The following HTT variants were observed in gnomAD, a reference collection of about 807,000 sequenced individuals.
HTT encodes huntingtin, also known as huntington disease protein.
In HTT, 104 loss-of-function variants were observed where a neutral mutation model predicts 362.3. The observed-to-expected ratio is 0.29, with a 90% confidence interval of 0.24 to 0.34. The LOEUF is 0.34. HTT is among the 10% of genes least tolerant of loss of function. HTT has a pLI of 1.00. For synonymous variants in HTT, 1,577 were observed against 1,548.7 expected, an observed-to-expected ratio of 1.02 and a Z score of -0.43; for missense variants, 3,301 against 3,928.6, an observed-to-expected ratio of 0.84 and a Z score of 4.27.
chr4:3,235,990 C>G (rs1721511180), intron 63 of HTT, among the ~76,000 whole-genome samples, 159 bp from the exon 64 acceptor site: 1 of 152,204 alleles, frequency 6.6e-6, no homozygotes, highest in Non-Finnish European at 1.5e-5. Flanking sequence ...TCACTCATCC[C>G]ATGTGGCTGA....
chr4:3,109,296 G>C (rs1161142823), intron 6 of HTT, among the ~76,000 whole-genome samples: 2 of 151,418 alleles, frequency 1.3e-5, no homozygotes, highest in Non-Finnish European at 2.9e-5. Flanking sequence ...ACGCAATCTT[G>C]GCTCACCACA....
intron 2 of HTT, among the ~76,000 whole-genome samples, chr4:3,094,396 C>T (rs544854498): frequency 5.3e-5 from 8 of 152,294 alleles, no homozygotes; most frequent in African/African-American, 1.2e-4. Flanking sequence ...AAACTGCCAC[C>T]GTCATCATGG....
intron 64 of HTT, 119 bp from the exon 65 acceptor site, chr4:3,238,328 C>T (rs1721640010): frequency 3.0e-6 from 2 of 672,256 alleles, no homozygotes; most frequent in Non-Finnish European, 4.7e-6. Flanking sequence ...GCCGAGGGTC[C>T]CTCCCAGCCC....
rs149094108 is a variant in HTT at position 3,239,530 on chromosome 4, C to T, written c.9216-316C>T. 2.0e-3 allele frequency among the ~76,000 whole-genome samples: 301 copies of T among 152,356 alleles called. 1 individual carries two copies. Among genetic ancestry groups the T allele is most frequent in the South Asian group, 8.7e-3 (42 of 4,826 alleles). On this transcript the variant is annotated intron_variant, in intron 66 of 66. Coordinates refer to ENST00000355072, the MANE Select transcript of HTT (RefSeq NM_001388492.1). The stretch of plus-strand genomic sequence containing the variant: ...GCCCGGCGTGCCTGGCACGGCTCTG[C>T]CCTCACTGCATTGGAGCAGGGCTAG...
intron 36 of HTT, among the ~76,000 whole-genome samples, chr4:3,182,089 A>T (rs1004899654): frequency 2.0e-5 from 3 of 152,224 alleles, no homozygotes; most frequent in Admixed American, 2.0e-4. Flanking sequence ...CAAATTCTAT[A>T]CAAATAACAA....
chr4:3,097,401 G>A (rs539730229), intron 2 of HTT, among the ~76,000 whole-genome samples: 1 of 152,184 alleles, frequency 6.6e-6, no homozygotes, highest in South Asian at 2.1e-4. Flanking sequence ...GGAGGCCGAG[G>A]TGGACAGATC....
intron 31 of HTT, among the ~76,000 whole-genome samples, chr4:3,173,737 C>T (rs1372133552): frequency 6.6e-5 from 10 of 150,992 alleles, no homozygotes; most frequent in Non-Finnish European, 1.5e-4. Context: ...GGTGCAATCT[C>T]AGCTCACTGC....
chr4:3,111,817 C>A (rs1228542566), intron 6 of HTT, among the ~76,000 whole-genome samples: 2 of 152,090 alleles, frequency 1.3e-5, no homozygotes, highest in Non-Finnish European at 2.9e-5. Context: ...GGGAATTTGC[C>A]CAAGGAGCCA....
chr4:3,214,142 C>T lies in HTT; in HGVS notation c.6952+7C>T. On this transcript the variant is annotated splice_region_variant and intron_variant, in intron 50 of 66. Coordinates refer to ENST00000355072, the MANE Select transcript of HTT (RefSeq NM_001388492.1). ...CACTTCATCCTGGAGGCCGGTGAGT[C>T]CCCGTCCATGAACGGTGGGTTCCTA... The T allele has an allele frequency of 2.0e-6, 3 of 1,488,994 alleles. No individual in the cohort carries two copies. The South Asian group carries it at 4.0e-5, about 20-fold the overall frequency. 92.2% of individuals were successfully genotyped at this position (1,488,994 alleles called of 1,614,324 possible).
chr4:3,098,294 C>CT (rs1404713831), intron 2 of HTT, among the ~76,000 whole-genome samples: 3 of 152,290 alleles, frequency 2.0e-5, no homozygotes, highest in East Asian at 3.9e-4. Flanking sequence ...CTGATGTGGA[C>CT]TTTTGGTGCC....
Position 3,228,859 on chromosome 4 carries a change from C to T in HTT, c.7980-21C>T, listed in dbSNP as rs1484746595. On this transcript the variant is annotated intron_variant, in intron 58 of 66. Transcript: ENST00000355072. The surrounding 1 kb of genome is among the most constrained non-coding windows in gnomAD (Gnocchi z 4.3). ...TCTCATCTCATGTACTTGGAAAATA[C>T]CCATCTCGCATATTCCACAGGAAAC... The T allele has an allele frequency of 6.2e-7, 1 of 1,603,018 alleles. No individual in the cohort carries two copies. The highest frequency in any genetic ancestry group is 8.5e-7 in the Non-Finnish European group (1 of 1,170,920).
chr4:3,212,672 A>G lies in HTT; in HGVS notation c.6737A>G (p.Glu2246Gly). Residue 2246 changes from glutamate (E) to glycine (G), a missense_variant, in exon 49 of 67, where the codon GAG becomes GGG. Around this residue, in one of 4 missense-constraint regions of HTT, gnomAD observed 220 missense variants for 218.5 expected, o/e 1.01. Coordinates refer to ENST00000355072, the MANE Select transcript of HTT (RefSeq NM_001388492.1). Reference protein sequence around the residue: ...PSHLHLPPEKEKDIVKFVVAT... With the variant: ...PSHLHLPPEKGKDIVKFVVAT... ...CATTTGCACCTTCCTCCTGAGAAAG[A>G]GAAGGACATTGTGAAATTCGTGGTG... The G allele has an allele frequency of 6.2e-7, 1 of 1,614,232 alleles. No homozygotes were observed. Among genetic ancestry groups the G allele is most frequent in the Non-Finnish European group, 8.5e-7 (1 of 1,180,038 alleles).
rs377680756 is a variant in HTT, at chr4:3,148,171, C to T, written c.3462C>T (p.His1154=). Residue 1154 remains histidine, a synonymous_variant, in exon 26 of 67, where the codon CAC becomes CAT. Coordinates refer to ENST00000355072, the MANE Select transcript of HTT (RefSeq NM_001388492.1). ...TGAAGGTGATTAACATTTGTGCCCA[C>T]GTCCTGGATGACGTGGCTCCTGGAC... ...HLLKVINICA[H]VLDDVAPGPA... is the part of the protein sequence containing the mutation. The T allele has an allele frequency of 2.1e-5, 34 of 1,605,932 alleles. No individual in the cohort carries two copies. The African/African-American group carries it at 2.1e-4, about 10-fold the overall frequency.
At chr4:3,095,458 T>C (rs1713809234) in intron 2 of HTT, among the ~76,000 whole-genome samples, 2 of 151,952 alleles carry the variant, frequency 1.3e-5, no homozygotes, top group African/African-American at 4.8e-5. Context: ...GAGGTTGCAG[T>C]GAGTAGAGAT....
At chr4:3,116,853 C>G (rs1465263810) in intron 8 of HTT, among the ~76,000 whole-genome samples, 1 of 152,220 alleles carries the variant, frequency 6.6e-6, no homozygotes, top group African/African-American at 2.4e-5. Flanking sequence ...ATTTCACTAA[C>G]TATGTAACCA....
At chr4:3,105,876 T>C (rs1056907952) in intron 5 of HTT, among the ~76,000 whole-genome samples, 10 of 152,244 alleles carry the variant, frequency 6.6e-5, no homozygotes, top group African/African-American at 2.4e-4. Flanking sequence ...GTTGTTGCAC[T>C]GTGAATAGTT....
Position 3,239,941 on chromosome 4 carries a change from A to G in HTT, c.9311A>G (p.Glu3104Gly), listed in dbSNP as rs528205593. Residue 3104 changes from glutamate (E) to glycine (G), a missense_variant, in exon 67 of 67, where the codon GAG becomes GGG. Coordinates refer to ENST00000355072, the MANE Select transcript of HTT (RefSeq NM_001388492.1). ...VATDFYRHQI[E>G]EELDRRAFQS... Reference sequence around the variant, plus strand: ...ACAGACTTCTACAGACACCAGATAGAGGAGGAGCTCGACCGCAGGGCCTTC... The same window carrying G: ...ACAGACTTCTACAGACACCAGATAGGGGAGGAGCTCGACCGCAGGGCCTTC... 1 of 1,585,590 alleles carries G rather than the reference A, an allele frequency of 6.3e-7. No individual in the cohort carries two copies. Among genetic ancestry groups the G allele is most frequent in the Non-Finnish European group, 8.6e-7 (1 of 1,164,950 alleles).
chr4:3,196,158 G>C (rs905296905), intron 40 of HTT, among the ~76,000 whole-genome samples: 2 of 152,186 alleles, frequency 1.3e-5, no homozygotes, highest in African/African-American at 4.8e-5. Context: ...TAAAGCTTTT[G>C]CTATTCTGAT....
At chr4:3,190,169 C>T (rs966358500) in intron 40 of HTT, among the ~76,000 whole-genome samples, 1 of 151,598 alleles carries the variant, frequency 6.6e-6, no homozygotes, top group Admixed American at 6.6e-5. Context: ...CATATCGAGA[C>T]CCCTATCTCT....
Sources: gnomAD v4.1 joint callset for allele counts (sites outside exome capture counted in the v4.1 genomes callset) on GRCh38, gnomAD v4.1.1 for gene constraint, gnomAD v4.1.1 regional missense constraint, Gnocchi (gnomAD v3.1) non-coding constraint, MANE v1.5 for transcripts, NCBI Gene and HGNC (gene_info 2026-07-23, HGNC 2026-07-21) for gene names.